GABRA4: variants seen among roughly 807,000 people sequenced by gnomAD.
GABRA4 encodes the protein gamma-aminobutyric acid receptor subunit alpha-4.
A neutral mutation model predicts 49.7 loss-of-function variants in GABRA4; 12 were observed. The ratio of observed to expected loss-of-function variants is 0.24; its 90% confidence interval spans 0.15 to 0.39. The LOEUF (loss-of-function observed/expected upper bound fraction) is 0.39, where lower values mean the gene tolerates loss of function less well. GABRA4 is among the 10% of genes least tolerant of loss of function. The pLI is 1.00. For missense variants in GABRA4, 506 were observed against 686.0 expected (o/e 0.74, Z 2.93); for synonymous variants, 288 against 240.2 (o/e 1.20, Z -1.84).
At chr4:46,967,729 A>T (rs1005696228) in intron 7 of GABRA4, among the ~76,000 whole-genome samples, 2 of 151,692 alleles carry the variant, frequency 1.3e-5, no homozygotes, top group African/African-American at 2.4e-5. Flanking sequence ...GCCATATTTT[A>T]AAAAATATAT....
intron 2 of GABRA4, among the ~76,000 whole-genome samples, chr4:46,985,576 T>G (rs1183595654): frequency 1.3e-5 from 2 of 152,030 alleles, no homozygotes; most frequent in Admixed American, 6.6e-5. Flanking sequence ...CGGTGATGTT[T>G]AATGATATAT....
chr4:46,929,809 A>C (rs1301992192), intron 8 of GABRA4, among the ~76,000 whole-genome samples: 4 of 151,976 alleles, frequency 2.6e-5, no homozygotes, highest in Non-Finnish European at 5.9e-5. Context: ...TTCTCCCCTT[A>C]CCATTTCATG....
At chr4:46,976,250 T>A (rs1488781659) in intron 5 of GABRA4, among the ~76,000 whole-genome samples, 1 of 147,418 alleles carries the variant, frequency 6.8e-6, no homozygotes, top group East Asian at 2.1e-4. Flanking sequence ...CTTTCCTCTC[T>A]AGTACCATCC....
intron 8 of GABRA4, among the ~76,000 whole-genome samples, chr4:46,933,267 G>T (rs948863582): frequency 2.0e-5 from 3 of 152,066 alleles, no homozygotes; most frequent in African/African-American, 7.2e-5. Context: ...CATTAAAATG[G>T]ATATCCTATA....
chr4:46,971,317 C>A, intron 6 of GABRA4, 82 bp from the exon 7 acceptor site: 1 of 1,253,446 alleles, frequency 8.0e-7, no homozygotes, highest in Non-Finnish European at 1.1e-6. Context: ...TTCAGACTAA[C>A]AAACAGGATT....
intron 8 of GABRA4, among the ~76,000 whole-genome samples, chr4:46,940,547 C>T (rs147337220): frequency 1.3e-5 from 2 of 151,932 alleles, no homozygotes; most frequent in African/African-American, 4.8e-5. Flanking sequence ...TCCTCTCCCC[C>T]CTAGTCTTTA....
At chr4:46,976,681 A>G (rs1351011596) in intron 5 of GABRA4, among the ~76,000 whole-genome samples, 2 of 151,532 alleles carry the variant, frequency 1.3e-5, no homozygotes, top group Non-Finnish European at 2.9e-5. Flanking sequence ...CTATGTATCT[A>G]TCTATCTATC....
chr4:46,945,500 C>G (rs1721953256), intron 8 of GABRA4, among the ~76,000 whole-genome samples: 1 of 152,084 alleles, frequency 6.6e-6, no homozygotes, highest in Non-Finnish European at 1.5e-5. Flanking sequence ...GTTTTTTCCT[C>G]TCAATCATAG....
At chr4:46,938,224 A>G (rs1188180492) in intron 8 of GABRA4, among the ~76,000 whole-genome samples, 1 of 152,120 alleles carries the variant, frequency 6.6e-6, no homozygotes, top group Non-Finnish European at 1.5e-5. Context: ...CAGCTTCAAT[A>G]TATTCAAAAA....
At chr4:46,952,949 G>A (rs1560469951) in intron 8 of GABRA4, among the ~76,000 whole-genome samples, 1 of 152,042 alleles carries the variant, frequency 6.6e-6, no homozygotes, top group Non-Finnish European at 1.5e-5. Context: ...CAGCAACCAT[G>A]TCTATATCTC....
intron 8 of GABRA4, among the ~76,000 whole-genome samples, chr4:46,958,687 T>C (rs1466234936): frequency 6.6e-6 from 1 of 151,852 alleles, no homozygotes; most frequent in Non-Finnish European, 1.5e-5. Context: ...AAGCTACCCA[T>C]AGATGCTTTT....
At position 46,937,951 on chromosome 4, in the gene GABRA4, G is replaced by A. The variant is rs143494011; in HGVS notation, c.1135-9196C>T. 3.9e-3 allele frequency among the ~76,000 whole-genome samples: 590 copies of A among 152,204 alleles called. 5 individuals carry two copies. Among genetic ancestry groups the A allele is most frequent in the African/African-American group, 0.014 (575 of 41,554 alleles). ...ACTCACTCATAATGTGAATAAGTAT[G>A]TTTCTGTGTGTATGTGTGCAAGTGT... On this transcript the variant is annotated intron_variant, in intron 8 of 8. Coordinates refer to ENST00000264318, the MANE Select transcript of GABRA4 (RefSeq NM_000809.4).
At chr4:46,937,118 C>A (rs1343903655) in intron 8 of GABRA4, among the ~76,000 whole-genome samples, 1 of 152,186 alleles carries the variant, frequency 6.6e-6, no homozygotes, top group East Asian at 1.9e-4. Context: ...TCCCATGGAA[C>A]TGGTGCCCTC....
At position 46,951,844 on chromosome 4, in the gene GABRA4, C is replaced by T. The variant is rs138269590; in HGVS notation, c.1134+13126G>A. Among the ~76,000 whole-genome samples the T allele has an allele frequency of 5.8e-3, 879 of 151,052 alleles. 5 individuals carry two copies. The highest frequency in any genetic ancestry group is 0.021 in the African/African-American group (849 of 41,172). ...TATATATATAATTTTCAAGCGGTAT[C>T]TTGATATCCACATTAAACTGACTGT... is the stretch of plus-strand genomic sequence containing the variant. On this transcript the variant is annotated intron_variant, in intron 8 of 8. Coordinates refer to ENST00000264318, the MANE Select transcript of GABRA4 (RefSeq NM_000809.4).
chr4:46,971,723 T>C (rs1220617582), intron 6 of GABRA4, among the ~76,000 whole-genome samples: 1 of 150,782 alleles, frequency 6.6e-6, no homozygotes, highest in Non-Finnish European at 1.5e-5. Flanking sequence ...TATAAATATA[T>C]TTAAATTTCA....
At chr4:46,972,034 C>T (rs940521260) in intron 6 of GABRA4, among the ~76,000 whole-genome samples, 3 of 151,540 alleles carry the variant, frequency 2.0e-5, no homozygotes, top group African/African-American at 7.3e-5. Context: ...TATTCACAAA[C>T]CATGAGGCCA....
rs375189843 is a variant in GABRA4 at position 46,971,864 on chromosome 4, A to ACAC, written c.722-632_722-630dup. On this transcript the variant is annotated intron_variant, in intron 6 of 8. Transcript: ENST00000264318. ...CGTGTATAACATACAGGCATATATA[A>ACAC]CACCCCTGAGTTCAAGCATGTTTTA... Among the ~76,000 whole-genome samples, 225 of 151,586 alleles carry ACAC rather than the reference A, an allele frequency of 1.5e-3. 3 individuals are homozygous for ACAC. Among genetic ancestry groups the ACAC allele is most frequent in the African/African-American group, 5.3e-3 (219 of 41,468 alleles).
intron 2 of GABRA4, among the ~76,000 whole-genome samples, chr4:46,992,478 C>A (rs3792211): frequency 0.28 from 42,160 of 151,970 alleles, 6,256 homozygotes; most frequent in East Asian, 0.35. Flanking sequence ...CTGCTCTGAG[C>A]GAAGTGGCCA....
chr4:46,942,629 A>G (rs1413408543), intron 8 of GABRA4, among the ~76,000 whole-genome samples: 12 of 151,384 alleles, frequency 7.9e-5, no homozygotes, highest in South Asian at 2.1e-4. Flanking sequence ...TGTCTCAGAA[A>G]AAAAAAAAAA....
Sources: allele counts gnomAD v4.1 joint callset (sites outside exome capture counted in the v4.1 genomes callset), GRCh38; gene constraint gnomAD v4.1.1; transcripts MANE v1.5; gene names NCBI Gene and HGNC (gene_info 2026-07-23, HGNC 2026-07-21).